The following CTSC variants were observed in gnomAD, a reference collection of about 807,000 sequenced individuals.
CTSC encodes the protein cathepsin C, also known as dipeptidyl peptidase 1.
CTSC carries 37 observed loss-of-function variants against 40.9 expected under a neutral mutation model. The observed-to-expected ratio is 0.91, with a 90% confidence interval of 0.70 to 1.19. CTSC has a LOEUF of 1.19. CTSC is among the 50% of genes most tolerant of loss of function. CTSC has a pLI of 0.00. For synonymous variants in CTSC, 232 were observed against 207.4 expected (o/e 1.12, Z -1.02); for missense variants, 594 against 567.3 (o/e 1.05, Z -0.48).
chr11:88,316,445 C>T (rs1028999983), intron 2 of CTSC, among the ~76,000 whole-genome samples: 4 of 148,278 alleles, frequency 2.7e-5, no homozygotes, highest in South Asian at 2.2e-4. Flanking sequence ...CACTGAACTC[C>T]GGCCTGGATG....
At chr11:88,324,880 A>C (rs960512077) in intron 2 of CTSC, 1 of 985,252 alleles carries the variant, frequency 1.0e-6, no homozygotes, top group African/African-American at 1.7e-5. Flanking sequence ...TGTACTCTTA[A>C]TTCATCTTTC....
At chr11:88,336,633 T>G (rs1271279622) in intron 1 of CTSC, among the ~76,000 whole-genome samples, 1 of 152,208 alleles carries the variant, frequency 6.6e-6, no homozygotes, top group Non-Finnish European at 1.5e-5. Flanking sequence ...TGACTTAATC[T>G]TTGTTCTGTT....
In CTSC at chr11:88,294,162, A is replaced by G; in HGVS notation, c.1236T>C (p.Tyr412=). 6.2e-7 allele frequency: 1 copy of G among 1,613,942 alleles called. No homozygotes were observed. The highest frequency in any genetic ancestry group is 8.5e-7 in the Non-Finnish European group (1 of 1,180,004). ...CCATCCCAGAGGCTGAGTCAGTGCC[A>G]TAGCCCACAAGCAGAACAGCATGAT... is the stretch of plus-strand genomic sequence containing the variant. ...LTNHAVLLVG[Y]GTDSASGMDY... is the part of the protein sequence containing the mutation. Residue 412 remains tyrosine, a synonymous_variant, in exon 7 of 7, where the codon TAT becomes TAC. Coordinates refer to ENST00000227266, the MANE Select transcript of CTSC (RefSeq NM_001814.6).
intron 2 of CTSC, 72 bp downstream of exon 2, chr11:88,334,865 G>T: frequency 9.2e-7 from 1 of 1,092,188 alleles, no homozygotes; most frequent in Non-Finnish European, 1.4e-6. Flanking sequence ...AAATTCTGAG[G>T]GTCTACTAAT....
At position 88,326,374 on chromosome 11, in the gene CTSC, C is replaced by T. The variant is rs200120338; in HGVS notation, c.318+8563G>A. On this transcript the variant is annotated intron_variant, in intron 2 of 6. Transcript: ENST00000227266. Reference sequence around the variant, plus strand: ...TCCACACTGTCGCAGGCTGCTCTGTCTCTTAGCCCCAACGTCTGTTCATGG... The same window carrying T: ...TCCACACTGTCGCAGGCTGCTCTGTTTCTTAGCCCCAACGTCTGTTCATGG... 9.6e-4 allele frequency: 1,548 copies of T among 1,614,072 alleles called. 18 individuals carry two copies. The South Asian group carries it at 0.011, about 12-fold the overall frequency.
intron 5 of CTSC, among the ~76,000 whole-genome samples, chr11:88,300,077 AG>A (rs2134770381): frequency 6.6e-6 from 1 of 152,372 alleles, no homozygotes; most frequent in African/African-American, 2.4e-5. Context: ...AAAATCTACC[AG>A]GAAAATAATT....
Position 88,295,837 on chromosome 11 carries a change from C to T in CTSC, c.889+296G>A, listed in dbSNP as rs1353120604. On this transcript the variant is annotated intron_variant, in intron 6 of 6. Transcript: ENST00000227266. ...AGAAAAATTTCTTAGTTCCTGTTCC[C>T]CGCCCATAAATAGGGATTATACTTA... is the stretch of plus-strand genomic sequence containing the variant. Among the ~76,000 whole-genome samples the T allele has an allele frequency of 2.0e-5, 3 of 152,082 alleles. No individual in the cohort carries two copies. The East Asian group carries it at 5.8e-4, about 29-fold the overall frequency.
chr11:88,321,992 G>A (rs750883705), intron 2 of CTSC: 3 of 152,070 alleles, frequency 2.0e-5, no homozygotes, highest in Non-Finnish European at 2.9e-5. Flanking sequence ...TGATATGCAC[G>A]TCTCTAATGG....
intron 3 of CTSC, among the ~76,000 whole-genome samples, chr11:88,310,937 C>T (rs2134784421): frequency 6.6e-6 from 1 of 152,244 alleles, no homozygotes; most frequent in South Asian, 2.1e-4. Context: ...AGCAAAACCT[C>T]GTGTGTTGAC....
intron 4 of CTSC, among the ~76,000 whole-genome samples, chr11:88,304,478 C>T (rs1349402205): frequency 6.6e-6 from 1 of 152,162 alleles, no homozygotes; most frequent in Non-Finnish European, 1.5e-5. Context: ...CATCATTGCA[C>T]ACACAAACAA....
chr11:88,321,440 C>G (rs569651986), intron 2 of CTSC: 2 of 152,322 alleles, frequency 1.3e-5, no homozygotes, highest in Admixed American at 6.5e-5. Flanking sequence ...CTTGACCCCC[C>G]ACCCCCTGAC....
At chr11:88,335,447 T>TG (rs1185037031) in intron 1 of CTSC, among the ~76,000 whole-genome samples, 1 of 152,152 alleles carries the variant, frequency 6.6e-6, no homozygotes, top group African/African-American at 2.4e-5. Context: ...GGTGGTGCAT[T>TG]GCCTGTAGTC....
At chr11:88,307,832 A>G (rs763906566) in intron 4 of CTSC, among the ~76,000 whole-genome samples, 1 of 152,174 alleles carries the variant, frequency 6.6e-6, no homozygotes, top group Non-Finnish European at 1.5e-5. Context: ...GCAGTAACAC[A>G]GTCTCGTAAT....
At chr11:88,328,061 G>T (rs1272508227) in intron 2 of CTSC, 2 of 1,174,942 alleles carry the variant, frequency 1.7e-6, no homozygotes, top group African/African-American at 1.5e-5. Context: ...ATCAGGAAGT[G>T]AGGAAGCTTG....
chr11:88,308,188 G>T (rs1254775983), intron 4 of CTSC, among the ~76,000 whole-genome samples: 1 of 152,184 alleles, frequency 6.6e-6, no homozygotes, highest in Non-Finnish European at 1.5e-5. Flanking sequence ...GGGCTATTGG[G>T]CCAAGCTAAC....
chr11:88,335,522 A>C (rs763694884), intron 1 of CTSC, among the ~76,000 whole-genome samples: 3 of 152,216 alleles, frequency 2.0e-5, no homozygotes, highest in Non-Finnish European at 4.4e-5. Context: ...TGGAGGCTGC[A>C]GTGAGCTATG....
rs550079998 is a variant in CTSC at position 88,294,598 on chromosome 11, C to T, written c.890-90G>A. The T allele has an allele frequency of 6.7e-5, 95 of 1,419,962 alleles. No homozygotes were observed. The African/African-American group carries it at 9.4e-4, about 14-fold the overall frequency. 88.0% of individuals were successfully genotyped at this position (1,419,962 alleles called of 1,614,324 possible). ...TTCTTCTTTGCTCCATTATTCTTTG[C>T]ATGTTACCCCTGAAAGTTGTTCTTA... On this transcript the variant is annotated intron_variant, in intron 6 of 6. Transcript: ENST00000227266.
At chr11:88,327,021 C>T (rs1053748514) in intron 2 of CTSC, among the ~76,000 whole-genome samples, 5 of 152,050 alleles carry the variant, frequency 3.3e-5, no homozygotes, top group African/African-American at 1.2e-4. Flanking sequence ...TTGCATCTTC[C>T]TCCTAAGCTA....
rs1024320075 is a variant in CTSC at position 88,309,160 on chromosome 11, T to C, written c.641+3A>G. 4 of 1,613,364 alleles carry C rather than the reference T, an allele frequency of 2.5e-6. No individual in the cohort carries two copies. In the African/African-American group the frequency reaches 5.3e-5, roughly 22 times the overall value. On this transcript the variant is annotated splice_donor_region_variant and intron_variant, in intron 4 of 6. Transcript: ENST00000227266. ...ATTAATGATAAAATGTGTGCTTGAT[T>C]ACCTTGGGATTTTTCGACTGTGGCC...
Sources: gnomAD v4.1 joint callset for allele counts (sites outside exome capture counted in the v4.1 genomes callset) on GRCh38, gnomAD v4.1.1 for gene constraint, MANE v1.5 for transcripts, NCBI Gene and HGNC (gene_info 2026-07-23, HGNC 2026-07-21) for gene names.